The following ERBB4 variants were observed in gnomAD, a reference collection of about 807,000 sequenced individuals.
ERBB4 encodes erb-b2 receptor tyrosine kinase 4.
Under a neutral mutation model 158.0 loss-of-function variants are expected in ERBB4, and 42 were observed. The observed-to-expected ratio is 0.27, with a 90% CI of 0.21 to 0.34. The LOEUF (loss-of-function observed/expected upper bound fraction) is 0.34. Among genes scored for constraint, ERBB4 ranks in the 10% least tolerant of loss-of-function variants. ERBB4 has a pLI of 1.00. For synonymous variants in ERBB4, 583 were observed against 558.7 expected (o/e 1.04, Z -0.61); for missense variants, 1,333 against 1,624.1 (o/e 0.82, Z 3.08).
intron 2 of ERBB4, among the ~76,000 whole-genome samples, chr2:212,083,924 GAAA>G (rs35084075): frequency 7.0e-6 from 1 of 143,780 alleles, no homozygotes; most frequent in Admixed American, 7.0e-5. Context: ...TTGTTCACAG[GAAA>G]AAAAAAAAAA....
chr2:212,417,951 A>T (rs576166925), intron 1 of ERBB4, among the ~76,000 whole-genome samples: 1 of 152,106 alleles, frequency 6.6e-6, no homozygotes, highest in South Asian at 2.1e-4. Context: ...ATAAGGGTGA[A>T]GCTCTCATGA....
chr2:211,767,222 C>T (rs980584170), intron 4 of ERBB4, among the ~76,000 whole-genome samples: 11 of 152,080 alleles, frequency 7.2e-5, no homozygotes, highest in African/African-American at 2.7e-4. Context: ...ACCTGGTCAC[C>T]CTCCACTGGT....
At chr2:211,917,399 T>C (rs1248175888) in intron 3 of ERBB4, among the ~76,000 whole-genome samples, 3 of 152,166 alleles carry the variant, frequency 2.0e-5, no homozygotes, top group Non-Finnish European at 4.4e-5. Flanking sequence ...TACTATCTCA[T>C]ATAGCTGACA....
intron 2 of ERBB4, among the ~76,000 whole-genome samples, chr2:212,021,206 C>T (rs539008619): frequency 1.3e-5 from 2 of 152,074 alleles, no homozygotes; most frequent in East Asian, 1.9e-4. Context: ...ATAATTAGAC[C>T]TTTAGAATTC....
At chr2:212,121,415 G>T (rs2079744135) in intron 2 of ERBB4, among the ~76,000 whole-genome samples, 1 of 152,112 alleles carries the variant, frequency 6.6e-6, no homozygotes, top group African/African-American at 2.4e-5. Context: ...GTTTCACTAT[G>T]TTGGCCAGGC....
intron 27 of ERBB4, among the ~76,000 whole-genome samples, chr2:211,384,555 G>C (rs2062644688): frequency 6.6e-6 from 1 of 152,218 alleles, no homozygotes; most frequent in South Asian, 2.1e-4. Flanking sequence ...GGTTTGCTAT[G>C]ATTGCCTATA....
intron 19 of ERBB4, among the ~76,000 whole-genome samples, chr2:211,615,661 T>G (rs1235086167): frequency 6.6e-6 from 1 of 152,122 alleles, no homozygotes; most frequent in Non-Finnish European, 1.5e-5. Context: ...CTTATTTATT[T>G]TTTGCCTATG....
chr2:211,699,377 T>G (rs899921468), intron 12 of ERBB4, among the ~76,000 whole-genome samples: 3 of 152,148 alleles, frequency 2.0e-5, no homozygotes, highest in Admixed American at 1.3e-4. Flanking sequence ...ACATTTACAG[T>G]GCATTTAAAA....
At chr2:212,096,606 G>A (rs948671953) in intron 2 of ERBB4, among the ~76,000 whole-genome samples, 3 of 152,104 alleles carry the variant, frequency 2.0e-5, no homozygotes, top group African/African-American at 7.2e-5. Context: ...TAGTATACAT[G>A]TCATGCATTA....
intron 2 of ERBB4, among the ~76,000 whole-genome samples, chr2:212,068,011 T>C (rs1273764815): frequency 1.3e-5 from 2 of 152,050 alleles, no homozygotes; most frequent in African/African-American, 4.8e-5. Flanking sequence ...TTAAAATGGA[T>C]AGACTTCTTG....
At chr2:211,672,270 G>A (rs189086972) in intron 14 of ERBB4, among the ~76,000 whole-genome samples, 18 of 152,058 alleles carry the variant, frequency 1.2e-4, no homozygotes, top group Admixed American at 7.2e-4. Context: ...TTCAAATGTT[G>A]GTCTCAAATT....
intron 20 of ERBB4, among the ~76,000 whole-genome samples, chr2:211,479,870 C>G (rs968873795): frequency 2.0e-5 from 3 of 152,122 alleles, no homozygotes; most frequent in Non-Finnish European, 4.4e-5. Flanking sequence ...ACAACATTTG[C>G]TGTACAAATC....
intron 3 of ERBB4, among the ~76,000 whole-genome samples, chr2:211,875,050 A>AAAAAAAAAAAAAAAAAAAAAAAAAC (rs66500425): frequency 1.3e-5 from 1 of 75,872 alleles, no homozygotes; most frequent in African/African-American, 5.4e-5. Context: ...AAAAAAAAAA[A>AAAAAAAAAAAAAAAAAAAAAAAAAC]CAAACTCAAA....
chr2:211,543,150 C>T (rs1251542640), intron 20 of ERBB4, among the ~76,000 whole-genome samples: 1 of 151,926 alleles, frequency 6.6e-6, no homozygotes, highest in African/African-American at 2.4e-5. Flanking sequence ...TAGTAGTCCA[C>T]CCCTATTAAG....
chr2:211,646,511 T>C (rs1211179501), intron 16 of ERBB4, among the ~76,000 whole-genome samples: 1 of 151,538 alleles, frequency 6.6e-6, no homozygotes, highest in Non-Finnish European at 1.5e-5. Flanking sequence ...AGAAATTTTA[T>C]TTGTAAGGGA....
intron 9 of ERBB4, 140 bp from the exon 10 acceptor site, chr2:211,705,531 G>A (rs917189737): frequency 1.5e-6 from 1 of 658,122 alleles, no homozygotes; most frequent in Non-Finnish European, 2.7e-6. Flanking sequence ...ATTAATCTGT[G>A]CTAGATGTGG....
intron 2 of ERBB4, among the ~76,000 whole-genome samples, chr2:211,970,033 G>A (rs931514216): frequency 1.3e-5 from 2 of 152,030 alleles, no homozygotes; most frequent in East Asian, 3.9e-4. Context: ...GTCATTTAGT[G>A]CTACAAATTT....
chr2:211,807,749 G>C (rs1306472026), intron 3 of ERBB4, among the ~76,000 whole-genome samples: 3 of 152,182 alleles, frequency 2.0e-5, no homozygotes, highest in Non-Finnish European at 2.9e-5. Context: ...CCAATGGTGT[G>C]AAAGAGTTCC....
At chr2:211,533,761 G>A (rs1398141020) in intron 20 of ERBB4, among the ~76,000 whole-genome samples, 6 of 152,030 alleles carry the variant, frequency 3.9e-5, no homozygotes, top group Non-Finnish European at 5.9e-5. Context: ...TATTTGCAGT[G>A]CATGACTATT....
Sources: allele counts gnomAD v4.1 joint callset (sites outside exome capture counted in the v4.1 genomes callset), GRCh38; gene constraint gnomAD v4.1.1; transcripts MANE v1.5; gene names NCBI Gene and HGNC (gene_info 2026-07-23, HGNC 2026-07-21).